Variants in SLIT1 observed in about 807,000 individuals in gnomAD.
SLIT1 encodes slit homolog 1 protein.
A neutral mutation model predicts 186.1 loss-of-function variants in SLIT1; 66 were observed. The observed-to-expected ratio is 0.35, with a 90% CI of 0.29 to 0.44. The LOEUF is 0.44. SLIT1 is among the 20% of genes least tolerant of loss of function. The pLI, the probability that SLIT1 is intolerant of heterozygous loss-of-function variation, is 1.00. For synonymous variants in SLIT1, 761 were observed against 833.8 expected, an observed-to-expected ratio of 0.91 and a Z score of 1.50; for missense variants, 1,638 against 2,037.4, an observed-to-expected ratio of 0.80 and a Z score of 3.77.
chr10:97,164,707 C>T (rs777736689), intron 2 of SLIT1, 112 bp downstream of exon 2: 6 of 787,970 alleles, frequency 7.6e-6, no homozygotes, highest in East Asian at 5.0e-5. Context: ...AGACTGACTC[C>T]GTGGTAGAGG....
chr10:97,157,796 C>A (rs757945780), intron 4 of SLIT1, 22 bp downstream of exon 4: 1 of 1,598,360 alleles, frequency 6.3e-7, no homozygotes, highest in Non-Finnish European at 8.6e-7. Context: ...GGAGAACTCT[C>A]TGGCCACAGA....
chr10:97,079,396 T>A (rs951204485), intron 4 of SLIT1, among the ~76,000 whole-genome samples: 23 of 152,178 alleles, frequency 1.5e-4, no homozygotes, highest in African/African-American at 5.1e-4. Context: ...GTGAGCTGTA[T>A]ACTCACTGGC....
chr10:97,098,850 A>G (rs548341418), intron 4 of SLIT1, among the ~76,000 whole-genome samples: 18 of 152,284 alleles, frequency 1.2e-4, no homozygotes, highest in African/African-American at 3.8e-4. Context: ...GAAAGGGACA[A>G]TGCCTGGGGG....
Position 97,049,026 on chromosome 10 carries a change from C to T in SLIT1, c.1394G>A (p.Arg465His), listed in dbSNP as rs1564661987. 1.9e-6 allele frequency: 3 copies of T among 1,612,166 alleles called. No homozygotes were observed. The highest frequency in any genetic ancestry group is 1.3e-5 in the African/African-American group (1 of 74,344). The change falls in exon 14 of 37, where the codon CGC (arginine) becomes CAC (histidine). Residue 465 changes from arginine (R) to histidine (H), a missense_variant. By Grantham distance (29) the Arg-to-His change is conservative. Coordinates refer to ENST00000266058, the MANE Select transcript of SLIT1 (RefSeq NM_003061.3). ...GGCGAGGCGCCGGGGACTGGCACAGCGGGCACCACTCGTCTCGATGGGATT... is the reference window on the plus strand; with the variant it reads ...GGCGAGGCGCCGGGGACTGGCACAGTGGGCACCACTCGTCTCGATGGGATT... ...RTNPIETSGA[R>H]CASPRRLANK...
intron 4 of SLIT1, among the ~76,000 whole-genome samples, chr10:97,094,211 G>C (rs117145282): frequency 2.0e-5 from 3 of 152,234 alleles, no homozygotes; most frequent in Non-Finnish European, 4.4e-5. Flanking sequence ...ACCAGAGCTC[G>C]TGCTGGAACC....
At chr10:97,045,021 G>A (rs1222958743) in intron 18 of SLIT1, among the ~76,000 whole-genome samples, 2 of 152,158 alleles carry the variant, frequency 1.3e-5, no homozygotes, top group African/African-American at 2.4e-5. Context: ...TCTACCATGT[G>A]AGGACACAAT....
chr10:97,030,420 C>T (rs542980697), intron 25 of SLIT1, among the ~76,000 whole-genome samples: 1 of 152,304 alleles, frequency 6.6e-6, no homozygotes, highest in Admixed American at 6.5e-5. Context: ...ACTTTTTCTC[C>T]ATCCATTTCC....
Position 97,006,476 on chromosome 10 carries a change from C to T in SLIT1, c.3579+7G>A. On this transcript the variant is annotated splice_region_variant and intron_variant, in intron 32 of 36. Coordinates refer to ENST00000266058, the MANE Select transcript of SLIT1 (RefSeq NM_003061.3). This position sits in a 1 kb window ranked among gnomAD's most constrained non-coding sequence, Gnocchi z 4.0. Reference sequence around the variant, plus strand: ...TCCCCTCTGTGACCAAGCCCCCTGGCACGCACCTGCAACGTGATGTTGGCC... The same window carrying T: ...TCCCCTCTGTGACCAAGCCCCCTGGTACGCACCTGCAACGTGATGTTGGCC... 1 of 1,606,494 alleles carries T rather than the reference C, an allele frequency of 6.2e-7. No homozygotes were observed. Among genetic ancestry groups the T allele is most frequent in the East Asian group, 2.2e-5 (1 of 44,820 alleles).
At position 97,004,465 on chromosome 10, in the gene SLIT1, AG is replaced by A. The variant is rs1396749386; in HGVS notation, c.3710+227del. Among the ~76,000 whole-genome samples, 1 of 152,142 alleles carries A rather than the reference AG, an allele frequency of 6.6e-6. No individual in the cohort carries two copies. The highest frequency in any genetic ancestry group is 6.5e-5 in the Admixed American group (1 of 15,282). Reference sequence around the variant, plus strand: ...CTTACAAGTCTCCCCCTCCCCATTAAGGAGCCTCCTCTAAGGTGGTGGTGGG... The same window carrying A: ...CTTACAAGTCTCCCCCTCCCCATTAAGAGCCTCCTCTAAGGTGGTGGTGGG... On this transcript the variant is annotated intron_variant, in intron 33 of 36. Coordinates refer to ENST00000266058, the MANE Select transcript of SLIT1 (RefSeq NM_003061.3). The surrounding 1 kb of genome is among the most constrained non-coding windows in gnomAD (Gnocchi z 5.1).
intron 4 of SLIT1, among the ~76,000 whole-genome samples, chr10:97,080,770 T>A (rs1849096224): frequency 6.6e-6 from 1 of 152,276 alleles, no homozygotes; most frequent in African/African-American, 2.4e-5. Flanking sequence ...TATTGGTCAT[T>A]TGACAAATTG....
chr10:97,004,763 C>T lies in SLIT1; in HGVS notation c.3640G>A (p.Val1214Ile). The change falls in exon 33 of 37, where the codon GTT (valine) becomes ATT (isoleucine). Residue 1214 changes from valine to isoleucine, a missense_variant. This residue lies in a region of SLIT1 where 173 missense variants were observed against 290.9 expected (regional missense o/e 0.59). Coordinates refer to ENST00000266058, the MANE Select transcript of SLIT1 (RefSeq NM_003061.3). This position sits in a 1 kb window ranked among gnomAD's most constrained non-coding sequence, Gnocchi z 5.1. ...CGCACATGGCCCTGGTACAGCTCAA[C>T]TGCAATGTGGTCGTTGTCCCCGTTG... is the stretch of plus-strand genomic sequence containing the variant. ...LYNGDNDHIA[V>I]ELYQGHVRVS... is the part of the protein sequence containing the mutation. The T allele has an allele frequency of 6.2e-7, 1 of 1,614,156 alleles. No homozygotes were observed. The highest frequency in any genetic ancestry group is 8.5e-7 in the Non-Finnish European group (1 of 1,180,010).
intron 4 of SLIT1, among the ~76,000 whole-genome samples, chr10:97,111,840 A>C (rs1292957070): frequency 6.6e-6 from 1 of 152,146 alleles, no homozygotes; most frequent in Non-Finnish European, 1.5e-5. Flanking sequence ...TCTTCAATTT[A>C]ACACACCGTG....
chr10:97,110,240 C>T (rs144680457), intron 4 of SLIT1, among the ~76,000 whole-genome samples: 6 of 152,304 alleles, frequency 3.9e-5, no homozygotes, highest in Admixed American at 3.9e-4. Flanking sequence ...AGAGCCTCTC[C>T]TCATAGGCTT....
intron 4 of SLIT1, among the ~76,000 whole-genome samples, chr10:97,144,080 C>T (rs1849792642): frequency 6.6e-6 from 1 of 152,012 alleles, no homozygotes; most frequent in African/African-American, 2.4e-5. Context: ...TGCCTGTGGT[C>T]CCAGGTACTC....
At chr10:97,030,465 G>T (rs573365627) in intron 25 of SLIT1, among the ~76,000 whole-genome samples, 194 of 152,294 alleles carry the variant, frequency 1.3e-3, no homozygotes, top group Non-Finnish European at 2.3e-3. Flanking sequence ...CACCTATGTT[G>T]TAGGATAACT....
intron 4 of SLIT1, among the ~76,000 whole-genome samples, chr10:97,157,104 T>C (rs1849961532): frequency 6.6e-6 from 1 of 152,184 alleles, no homozygotes; most frequent in African/African-American, 2.4e-5. Context: ...TAGAGTTGAT[T>C]GTCTGCAGAG....
At chr10:97,059,903 G>C (rs954163807) in intron 10 of SLIT1, among the ~76,000 whole-genome samples, 184 bp downstream of exon 10, 7 of 152,290 alleles carry the variant, frequency 4.6e-5, no homozygotes, top group African/African-American at 1.4e-4. Flanking sequence ...CAGGCCTCAC[G>C]ATAGCCCTGC....
chr10:97,137,125 TTTTTA>T (rs1385369288), intron 4 of SLIT1, among the ~76,000 whole-genome samples: 1 of 152,204 alleles, frequency 6.6e-6, no homozygotes, highest in Non-Finnish European at 1.5e-5. Flanking sequence ...AAAACAACCA[TTTTTA>T]TTTTATTTTA....
chr10:97,095,793 C>T (rs571605911), intron 4 of SLIT1, among the ~76,000 whole-genome samples: 98 of 152,282 alleles, frequency 6.4e-4, no homozygotes, highest in Non-Finnish European at 1.3e-3. Flanking sequence ...TGGGTGCGAC[C>T]CTCTGCCACT....
Sources: allele counts gnomAD v4.1 joint callset (sites outside exome capture counted in the v4.1 genomes callset), GRCh38; gene constraint gnomAD v4.1.1; regional missense constraint gnomAD v4.1.1; non-coding constraint Gnocchi (gnomAD v3.1); transcripts MANE v1.5; gene names NCBI Gene and HGNC (gene_info 2026-07-23, HGNC 2026-07-21).